CPNE7: variants seen among roughly 807,000 people sequenced by gnomAD.
CPNE7 encodes copine-7.
In CPNE7, 78 loss-of-function variants were observed where a neutral mutation model predicts 66.5. That is an observed-to-expected ratio of 1.17 (90% CI 0.98 to 1.42). The LOEUF (loss-of-function observed/expected upper bound fraction) is 1.42, where lower values mean the gene tolerates loss of function less well. Among genes scored for constraint, CPNE7 ranks in the 40% most tolerant of loss-of-function variants. The probability of loss-of-function intolerance (pLI) is 0.00; values close to 1 mark genes in which losing one functional copy is unlikely to be tolerated. For synonymous variants in CPNE7, 468 were observed against 336.7 expected (o/e 1.39, Z -4.27); for missense variants, 1,012 against 776.6 (o/e 1.30, Z -3.60).
intron 1 of CPNE7, among the ~76,000 whole-genome samples, chr16:89,576,415 G>C (rs908836542): frequency 1.3e-5 from 2 of 151,956 alleles, no homozygotes; most frequent in Non-Finnish European, 2.9e-5. Context: ...CGACCAAGAG[G>C]CGCAAGGAGA....
At chr16:89,579,707 C>T (rs554325772) in intron 2 of CPNE7, among the ~76,000 whole-genome samples, 1 of 149,682 alleles carries the variant, frequency 6.7e-6, no homozygotes, top group African/African-American at 2.5e-5. Flanking sequence ...TCACATGGAA[C>T]ATCCCATCAC....
At chr16:89,577,744 G>A in intron 2 of CPNE7, 23 bp downstream of exon 2, 4 of 1,566,842 alleles carry the variant, frequency 2.6e-6, no homozygotes, top group Non-Finnish European at 2.6e-6. Flanking sequence ...TCCCCTCGGA[G>A]GGAGGAGGAC....
intron 7 of CPNE7, 96 bp from the exon 8 acceptor site, chr16:89,586,574 C>G: frequency 1.0e-6 from 1 of 990,588 alleles, no homozygotes; most frequent in East Asian, 2.4e-5. Flanking sequence ...CCACGGGGCC[C>G]TCTGCCGTCG....
At position 89,575,877 on chromosome 16, in the gene CPNE7, G is replaced by A. The variant is rs1446104658; in HGVS notation, c.-21G>A. On this transcript the variant is annotated 5_prime_UTR_variant, in exon 1 of 15. Coordinates refer to ENST00000319518, the MANE Select transcript of CPNE7 (RefSeq NM_153636.3). ...CAGCGGCCCCTCAGTGCGCCCAGCC[G>A]GGCCCCCGAACGCCGGGAGCATGAG... The A allele has an allele frequency of 2.5e-6, 3 of 1,203,362 alleles. No homozygotes were observed. Among genetic ancestry groups the A allele is most frequent in the Non-Finnish European group, 3.1e-6 (3 of 969,578 alleles). The allele number at this position is 1,203,362 out of a possible 1,614,324, so 74.5% of individuals were successfully genotyped here. A position where few individuals can be genotyped will look rare whatever the true frequency, so the allele number is the denominator to read the frequency against.
At position 89,584,510 on chromosome 16, in the gene CPNE7, G is replaced by C. The variant is rs144482103; in HGVS notation, c.508-264G>C. Among the ~76,000 whole-genome samples the C allele has an allele frequency of 1.6e-3, 238 of 152,248 alleles. 2 individuals carry two copies. Among genetic ancestry groups the C allele is most frequent in the African/African-American group, 5.5e-3 (229 of 41,544 alleles). Reference sequence around the variant, plus strand: ...TCTCCCTGGAGGGGCTGAGTCGCAGGGTGTGTAGGGCAAGTCCGTGGAGGG... The same window carrying C: ...TCTCCCTGGAGGGGCTGAGTCGCAGCGTGTGTAGGGCAAGTCCGTGGAGGG... On this transcript the variant is annotated intron_variant, in intron 4 of 14. Coordinates refer to ENST00000319518, the MANE Select transcript of CPNE7 (RefSeq NM_153636.3). The surrounding 1 kb of genome is among the most constrained non-coding windows in gnomAD (Gnocchi z 6.0).
chr16:89,577,593 T>C lies in CPNE7; in HGVS notation c.229T>C (p.Phe77Leu), dbSNP rs455527. ...SSLHPVFSKV[F>L]TVDYYFEEVQ... is the part of the protein sequence containing the mutation. Reference sequence around the variant, plus strand: ...CCTGCATCCCGTGTTCTCCAAGGTCTTCACGGTGGACTACTACTTCGAGGA... The same window carrying C: ...CCTGCATCCCGTGTTCTCCAAGGTCCTCACGGTGGACTACTACTTCGAGGA... Residue 77 changes from phenylalanine (F) to leucine (L), a missense_variant, in exon 2 of 15, where the codon TTC (phenylalanine) becomes CTC (leucine). Phe to Leu is a conservative substitution (Grantham distance 22, BLOSUM62 0). Transcript: ENST00000319518. 0.069 allele frequency: 106,656 copies of C among 1,555,446 alleles called. 6,021 individuals carry two copies. Among genetic ancestry groups the C allele is most frequent in the East Asian group, 0.27 (11,119 of 41,324 alleles).
rs12445560 is a variant in CPNE7, at chr16:89,595,399, C to T, written c.1335C>T (p.Gly445=). ...ACATCCTGCTGATCCTGACGGACGG[C>T]GTGGTGACCGACATGGCCGACACAC... ...QYYILLILTD[G]VVTDMADTRE... The change falls in exon 14 of 15, where the codon GGC becomes GGT. Residue 445 remains glycine (G), a synonymous_variant. Coordinates refer to ENST00000319518, the MANE Select transcript of CPNE7 (RefSeq NM_153636.3). 112,850 of 1,593,344 alleles carry T rather than the reference C, an allele frequency of 0.071. 7,086 individuals carry two copies. The highest frequency in any genetic ancestry group is 0.31 in the Admixed American group (18,373 of 59,106).
intron 13 of CPNE7, among the ~76,000 whole-genome samples, chr16:89,593,644 G>A (rs1260300571): frequency 2.6e-5 from 4 of 152,186 alleles, no homozygotes; most frequent in Non-Finnish European, 4.4e-5. Context: ...GAGCCACCGC[G>A]CCCGGCCTAC....
intron 9 of CPNE7, 95 bp from the exon 10 acceptor site, chr16:89,588,580 A>G: frequency 6.6e-7 from 1 of 1,520,198 alleles, no homozygotes; most frequent in Non-Finnish European, 8.9e-7. Context: ...CCTGACCCTG[A>G]GTCCTGGCCA....
At position 89,588,935 on chromosome 16, in the gene CPNE7, C is replaced by T. The variant is rs1454681775; in HGVS notation, c.1061+127C>T. On this transcript the variant is annotated intron_variant, in intron 10 of 14. Coordinates refer to ENST00000319518, the MANE Select transcript of CPNE7 (RefSeq NM_153636.3). ...TGACAGGTGCACCCGGCCGGTTTTC[C>T]CTCACCCCCCTGGGCTCCAGGTCAG... 6.1e-6 allele frequency: 7 copies of T among 1,146,766 alleles called. No individual in the cohort carries two copies. The Admixed American group carries it at 8.1e-5, about 13-fold the overall frequency. The allele number at this position is 1,146,766 out of a possible 1,614,324, so 71.0% of individuals were successfully genotyped here. A position where few individuals can be genotyped will look rare whatever the true frequency, so the allele number is the denominator to read the frequency against.
chr16:89,587,102 C>T lies in CPNE7; in HGVS notation c.927C>T (p.Thr309=), dbSNP rs371712036. The T allele has an allele frequency of 2.9e-5, 45 of 1,556,652 alleles. No individual in the cohort carries two copies. In the Middle Eastern group the frequency reaches 5.7e-4, roughly 20 times the overall value. The part of the protein sequence containing the change: ...YIMGGCQIHF[T]VAIDFTASNG... ...TGGGCGGCTGCCAGATCCACTTCACCGTGAGTCCATGGCCCCGCCCCATGC... is the reference window on the plus strand; with the variant it reads ...TGGGCGGCTGCCAGATCCACTTCACTGTGAGTCCATGGCCCCGCCCCATGC... The change falls in exon 9 of 15, where the codon ACC becomes ACT. Residue 309 remains threonine (T), a splice_region_variant and synonymous_variant. Coordinates refer to ENST00000319518, the MANE Select transcript of CPNE7 (RefSeq NM_153636.3).
intron 13 of CPNE7, among the ~76,000 whole-genome samples, chr16:89,592,773 A>G (rs1372197824): frequency 6.9e-6 from 1 of 144,760 alleles, no homozygotes; most frequent in South Asian, 2.2e-4. Flanking sequence ...AAATATGCAC[A>G]GTTTAAAATT....
At chr16:89,591,285 A>G (rs1298290163) in intron 13 of CPNE7, 25 bp downstream of exon 13, 1 of 1,543,392 alleles carries the variant, frequency 6.5e-7, no homozygotes, top group Admixed American at 2.0e-5. Context: ...GGTGTGGTGC[A>G]TGCTTGGTGT....
intron 2 of CPNE7, chr16:89,578,852 C>T: frequency 6.2e-7 from 1 of 1,610,160 alleles, no homozygotes; most frequent in Non-Finnish European, 8.5e-7. Context: ...TTACGGCCTC[C>T]ACAGCCAGCC....
chr16:89,585,595 C>G, intron 6 of CPNE7, 42 bp downstream of exon 6: 1 of 1,573,676 alleles, frequency 6.4e-7, no homozygotes, highest in Non-Finnish European at 8.7e-7. Flanking sequence ...AGGGGGTGGC[C>G]TGGATGTGGG....
chr16:89,592,977 T>A (rs1316190368), intron 13 of CPNE7, among the ~76,000 whole-genome samples: 1 of 150,928 alleles, frequency 6.6e-6, no homozygotes, highest in East Asian at 2.0e-4. Flanking sequence ...CATACCCGGC[T>A]AATTTTTATA....
intron 8 of CPNE7, 70 bp from the exon 9 acceptor site, chr16:89,586,973 G>T: frequency 6.8e-7 from 1 of 1,471,134 alleles, no homozygotes; most frequent in East Asian, 2.4e-5. Flanking sequence ...CGGGAGGCAG[G>T]CCTGGATCCC....
intron 13 of CPNE7, 143 bp from the exon 14 acceptor site, chr16:89,595,224 G>C: frequency 1.5e-6 from 1 of 647,132 alleles, no homozygotes; most frequent in East Asian, 2.8e-5. Flanking sequence ...TGATGTTTGT[G>C]ATGTAGGCAT....
intron 2 of CPNE7, among the ~76,000 whole-genome samples, chr16:89,582,646 C>T (rs2058973680): frequency 6.6e-6 from 1 of 152,238 alleles, no homozygotes; most frequent in Non-Finnish European, 1.5e-5. Context: ...GACTTGACTT[C>T]CCCAGCCCTG....
Sources: allele counts gnomAD v4.1 joint callset (sites outside exome capture counted in the v4.1 genomes callset), GRCh38; gene constraint gnomAD v4.1.1; non-coding constraint Gnocchi (gnomAD v3.1); transcripts MANE v1.5; gene names NCBI Gene and HGNC (gene_info 2026-07-23, HGNC 2026-07-21).